The following CEP63 variants were observed in gnomAD, a reference collection of about 807,000 sequenced individuals.
The protein encoded by CEP63 is centrosomal protein 63.
CEP63 carries 84 observed loss-of-function variants against 89.1 expected under a neutral mutation model. The ratio of observed to expected loss-of-function variants is 0.94; its 90% CI spans 0.79 to 1.13. CEP63 has a LOEUF of 1.13. CEP63 is among the 50% of genes most tolerant of loss of function. The pLI, the probability that CEP63 is intolerant of heterozygous loss-of-function variation, is 0.00. For synonymous variants in CEP63, 267 were observed against 272.5 expected (o/e 0.98, Z 0.20); for missense variants, 838 against 813.3 (o/e 1.03, Z -0.37).
the CEP63 span, among the ~76,000 whole-genome samples, chr3:134,728,714 C>T: frequency 1.3e-5 from 2 of 151,978 alleles, no homozygotes; most frequent in Non-Finnish European, 2.9e-5. Context: ...AAGGTAAACA[C>T]GGGATAAAAA....
intron 1 of CEP63, 138 bp downstream of exon 1, chr3:134,486,340 A>G (rs1404192874): frequency 3.0e-6 from 3 of 985,406 alleles, no homozygotes; most frequent in Non-Finnish European, 3.6e-6. Context: ...TCGCGGCCTC[A>G]TGGCTTGCGG....
chr3:134,583,629 G>A (rs868359013), intron 10 of CEP63, among the ~76,000 whole-genome samples: 6 of 152,178 alleles, frequency 3.9e-5, no homozygotes, highest in Middle Eastern at 3.4e-3. Flanking sequence ...CTCCAGCTTT[G>A]TTCTTTTTGC....
At chr3:134,706,187 G>A in the CEP63 span, among the ~76,000 whole-genome samples, 3 of 152,254 alleles carry the variant, frequency 2.0e-5, no homozygotes, top group African/African-American at 4.8e-5. Context: ...ACCCTGTCAC[G>A]AAAAATTTGG....
chr3:134,574,943 A>G (rs1958162315), exon 12 of CEP63: 1 of 486,052 alleles, frequency 2.1e-6, no homozygotes, highest in South Asian at 3.4e-5. Context: ...TGAAACAAGA[A>G]TCTCAATTAG....
intron 3 of CEP63, 60 bp from the exon 4 acceptor site, chr3:134,531,785 A>G: frequency 8.5e-7 from 1 of 1,172,798 alleles, no homozygotes; most frequent in South Asian, 1.2e-5. Flanking sequence ...CTATTTTTAT[A>G]TCTCAGGGAT....
At chr3:134,610,553 G>A in the CEP63 span, 2 of 614,688 alleles carry the variant, frequency 3.3e-6, no homozygotes, top group East Asian at 2.8e-5. Context: ...TTTATCTCGG[G>A]GCACTGGGGA....
chr3:134,717,367 A>G, the CEP63 span, among the ~76,000 whole-genome samples: 8 of 152,134 alleles, frequency 5.3e-5, no homozygotes, highest in African/African-American at 1.9e-4. Context: ...ACCCTGCTCC[A>G]CCCATCCACA....
chr3:134,495,281 T>A lies in CEP63; in HGVS notation c.-25-15T>A, dbSNP rs1184942038. 2 of 1,592,722 alleles carry A rather than the reference T, an allele frequency of 1.3e-6. No individual in the cohort carries two copies. The highest frequency in any genetic ancestry group is 2.2e-5 in the East Asian group (1 of 44,702). On this transcript the variant is annotated splice_polypyrimidine_tract_variant and intron_variant, in intron 1 of 14. Coordinates refer to ENST00000675561, the MANE Select transcript of CEP63 (RefSeq NM_001353108.3). ...AAATGAATTGTCTCATGACTGATAT[T>A]TTTTTCTTTGTCAGTTGCCAAAACA...
the CEP63 span, among the ~76,000 whole-genome samples, chr3:134,735,260 C>T: frequency 6.6e-6 from 1 of 152,140 alleles, no homozygotes; most frequent in Non-Finnish European, 1.5e-5. Context: ...GCCTCACACA[C>T]AGATCAATGA....
At chr3:134,771,377 A>C in the CEP63 span, among the ~76,000 whole-genome samples, 1 of 152,224 alleles carries the variant, frequency 6.6e-6, no homozygotes, top group African/African-American at 2.4e-5. Context: ...CAAAGACTAC[A>C]TGTTCTCACT....
chr3:134,510,689 G>A, intron 3 of CEP63: 1 of 578,992 alleles, frequency 1.7e-6, no homozygotes, highest in Non-Finnish European at 3.3e-6. Flanking sequence ...TGTCTAGCAT[G>A]AAACTGGAGG....
At chr3:134,643,829 C>CT in the CEP63 span, among the ~76,000 whole-genome samples, 19,936 of 142,936 alleles carry the variant, frequency 0.14, 1,582 homozygotes, top group South Asian at 0.25. Flanking sequence ...TCTCCTGCTT[C>CT]TTTTTTTTTT....
the CEP63 span, among the ~76,000 whole-genome samples, chr3:134,745,778 G>T: frequency 6.6e-6 from 1 of 151,262 alleles, no homozygotes; most frequent in Non-Finnish European, 1.5e-5. Context: ...GTGAGAACAT[G>T]CTGTGTTTAG....
chr3:134,645,287 A>G, the CEP63 span, among the ~76,000 whole-genome samples: 30,707 of 152,134 alleles, frequency 0.2, 3,497 homozygotes, highest in Non-Finnish European at 0.26. Context: ...GGAGCTCTCT[A>G]GTCTCAACAC....
the CEP63 span, among the ~76,000 whole-genome samples, chr3:134,743,809 G>A: frequency 2.0e-5 from 3 of 152,100 alleles, no homozygotes; most frequent in Non-Finnish European, 4.4e-5. Context: ...CCTTCCTCCT[G>A]ACACTCTTCC....
chr3:134,762,079 G>A, the CEP63 span, among the ~76,000 whole-genome samples: 2 of 152,216 alleles, frequency 1.3e-5, no homozygotes, highest in Non-Finnish European at 2.9e-5. Flanking sequence ...TATAGTGTCT[G>A]ATGTGTGAGA....
chr3:134,628,146 G>T, the CEP63 span: 1 of 355,414 alleles, frequency 2.8e-6, no homozygotes, highest in Non-Finnish European at 5.2e-6. Flanking sequence ...CCCTCTTTTG[G>T]AGTTTCCTGC....
the CEP63 span, among the ~76,000 whole-genome samples, chr3:134,773,107 T>C: frequency 6.6e-6 from 1 of 152,164 alleles, no homozygotes; most frequent in African/African-American, 2.4e-5. Context: ...GCCCTGTGCT[T>C]GTAGAGGCAG....
the CEP63 span, among the ~76,000 whole-genome samples, chr3:134,761,272 A>G: frequency 6.6e-6 from 1 of 152,208 alleles, no homozygotes; most frequent in Non-Finnish European, 1.5e-5. Flanking sequence ...CCCTAATTAA[A>G]TCTTCAGGGT....
Sources: gnomAD v4.1 joint callset for allele counts (sites outside exome capture counted in the v4.1 genomes callset) on GRCh38, gnomAD v4.1.1 for gene constraint, MANE v1.5 for transcripts, NCBI Gene and HGNC (gene_info 2026-07-23, HGNC 2026-07-21) for gene names.